AKAP10: variants seen among roughly 807,000 people sequenced by gnomAD.
AKAP10 encodes A-kinase anchoring protein 10.
A neutral mutation model predicts 80.8 loss-of-function variants in AKAP10; 24 were observed. The ratio of observed to expected loss-of-function variants is 0.30; its 90% confidence interval spans 0.22 to 0.42. AKAP10 has a LOEUF of 0.42. Among genes scored for constraint, AKAP10 ranks in the 10% least tolerant of loss-of-function variants. AKAP10 has a pLI of 1.00. For missense variants in AKAP10, 661 were observed against 794.9 expected, an observed-to-expected ratio of 0.83 and a Z score of 2.03; for synonymous variants, 291 against 277.7, an observed-to-expected ratio of 1.05 and a Z score of -0.48.
intron 8 of AKAP10, among the ~76,000 whole-genome samples, chr17:19,938,941 A>G (rs2043023628): frequency 6.6e-6 from 1 of 152,104 alleles, no homozygotes; most frequent in Non-Finnish European, 1.5e-5. Flanking sequence ...CATGTTGCCC[A>G]GGCTGGTCTC....
At chr17:19,946,899 T>G (rs2043139324) in intron 5 of AKAP10, among the ~76,000 whole-genome samples, 1 of 152,156 alleles carries the variant, frequency 6.6e-6, no homozygotes, top group African/African-American at 2.4e-5. Flanking sequence ...TCAGGCCCAC[T>G]GAGAAGTGGG....
intron 5 of AKAP10, among the ~76,000 whole-genome samples, chr17:19,946,657 C>CTTTT (rs35156168): frequency 1.8e-5 from 2 of 111,134 alleles, no homozygotes; most frequent in African/African-American, 3.4e-5. Flanking sequence ...ATAAGAAAAA[C>CTTTT]TTTTTTTTTT....
chr17:19,976,856 A>G (rs2043574825), intron 1 of AKAP10, among the ~76,000 whole-genome samples: 1 of 152,210 alleles, frequency 6.6e-6, no homozygotes, highest in Non-Finnish European at 1.5e-5. Flanking sequence ...AGGAATTGAC[A>G]GGAAAAATCA....
At chr17:19,936,099 T>C in intron 9 of AKAP10, 187 bp downstream of exon 9, 1 of 506,622 alleles carries the variant, frequency 2.0e-6, no homozygotes, top group South Asian at 4.6e-5. Flanking sequence ...CAGTCCACTG[T>C]TGACTAAAAT....
In AKAP10 at chr17:19,931,849, G is replaced by C. The variant is rs2152413004; in HGVS notation, c.1597C>G (p.Pro533Ala). The C allele has an allele frequency of 6.2e-7, 1 of 1,614,154 alleles. No homozygotes were observed. The highest frequency in any genetic ancestry group is 1.6e-4 in the Middle Eastern group (1 of 6,062). Residue 533 changes from proline to alanine, a missense_variant, in exon 10 of 15, where the codon CCT (proline) becomes GCT (alanine). Pro to Ala is a conservative substitution (Grantham distance 27, BLOSUM62 -1). Coordinates refer to ENST00000225737, the MANE Select transcript of AKAP10 (RefSeq NM_007202.4). ...SLTAPGSVGP[P>A]DESHPGSSDS... ...GAACTCCCTGGGTGAGACTCATCAG[G>C]AGGGCCAACAGAGCCAGGAGCAGTC...
intron 12 of AKAP10, among the ~76,000 whole-genome samples, chr17:19,912,601 T>C (rs750007363): frequency 7.9e-5 from 12 of 151,618 alleles, no homozygotes; most frequent in Non-Finnish European, 1.8e-4. Context: ...GCCTGTAATC[T>C]CAGCTACTCG....
chr17:19,907,849 G>A (rs1403939097), intron 14 of AKAP10, among the ~76,000 whole-genome samples: 1 of 151,656 alleles, frequency 6.6e-6, no homozygotes, highest in Non-Finnish European at 1.5e-5. Context: ...TTGGTAATTT[G>A]TGATTGACGT....
intron 2 of AKAP10, among the ~76,000 whole-genome samples, chr17:19,967,418 G>A (rs1042796281): frequency 6.6e-6 from 1 of 152,220 alleles, no homozygotes; most frequent in Non-Finnish European, 1.5e-5. Flanking sequence ...AAGTGTCAGT[G>A]CTTTCCTACA....
At chr17:19,917,932 A>G (rs1212596527) in intron 12 of AKAP10, among the ~76,000 whole-genome samples, 1 of 151,698 alleles carries the variant, frequency 6.6e-6, no homozygotes, top group Non-Finnish European at 1.5e-5. Flanking sequence ...AAGAAAGAAA[A>G]TAAGATGGCT....
At chr17:19,933,081 T>C (rs1381876627) in intron 9 of AKAP10, among the ~76,000 whole-genome samples, 2 of 152,306 alleles carry the variant, frequency 1.3e-5, no homozygotes, top group Non-Finnish European at 2.9e-5. Context: ...TGCAGTGGCA[T>C]GATCTCGACT....
At chr17:19,924,005 T>G (rs999834117) in intron 11 of AKAP10, among the ~76,000 whole-genome samples, 2 of 152,236 alleles carry the variant, frequency 1.3e-5, no homozygotes, top group Admixed American at 1.3e-4. Flanking sequence ...GTGGTAAATT[T>G]CAGTAAGTGG....
In AKAP10 at chr17:19,906,132, A is replaced by T; in HGVS notation, c.*95T>A. ...AACAACAGTGACAGATCAGAAATAT[A>T]GTGCTGTTTTCATTGGCTGTGTTGA... On this transcript the variant is annotated 3_prime_UTR_variant, in exon 15 of 15. Coordinates refer to ENST00000225737, the MANE Select transcript of AKAP10 (RefSeq NM_007202.4). The T allele has an allele frequency of 7.6e-7, 1 of 1,320,266 alleles. No individual in the cohort carries two copies. Among genetic ancestry groups the T allele is most frequent in the Non-Finnish European group, 1.1e-6 (1 of 925,728 alleles). 81.8% of individuals were successfully genotyped at this position (1,320,266 alleles called of 1,614,324 possible).
intron 4 of AKAP10, among the ~76,000 whole-genome samples, chr17:19,953,962 G>A (rs1251578245): frequency 6.6e-6 from 1 of 151,990 alleles, no homozygotes; most frequent in African/African-American, 2.4e-5. Context: ...AACCTGGGAG[G>A]CAGAGGTTGC....
intron 14 of AKAP10, among the ~76,000 whole-genome samples, chr17:19,908,460 C>T (rs1187928640): frequency 1.3e-5 from 2 of 152,076 alleles, no homozygotes; most frequent in African/African-American, 4.8e-5. Flanking sequence ...ATCATTCAGC[C>T]TACTAATTTC....
intron 4 of AKAP10, among the ~76,000 whole-genome samples, chr17:19,951,100 C>T (rs2043200860): frequency 6.7e-6 from 1 of 150,034 alleles, no homozygotes; most frequent in Non-Finnish European, 1.5e-5. Context: ...AAGTGAGGAG[C>T]CCCTCAGCCC....
Position 19,905,404 on chromosome 17 carries a change from C to T in AKAP10, c.*823G>A, listed in dbSNP as rs547557257. 7 of 151,660 alleles carry T rather than the reference C, an allele frequency of 4.6e-5. No individual in the cohort carries two copies. The highest frequency in any genetic ancestry group is 4.6e-4 in the Admixed American group (7 of 15,234). The allele number at this position is 151,660 out of a possible 1,614,324, so 9.4% of individuals were successfully genotyped here. A position where few individuals can be genotyped will look rare whatever the true frequency, so the allele number is the denominator to read the frequency against. ...TGCTTTGTTCAAGGTGCCACAGGGGCAAAAGTGGAGTCATCGCTATTTCTT... is the reference window on the plus strand; with the variant it reads ...TGCTTTGTTCAAGGTGCCACAGGGGTAAAAGTGGAGTCATCGCTATTTCTT... On this transcript the variant is annotated 3_prime_UTR_variant, in exon 15 of 15. Transcript: ENST00000225737.
chr17:19,941,796 T>C (rs773079098), intron 6 of AKAP10, 30 bp downstream of exon 6: 1 of 1,512,786 alleles, frequency 6.6e-7, no homozygotes, highest in South Asian at 1.4e-5. Flanking sequence ...TTCCCTAGGA[T>C]GCACAATGTG....
chr17:19,961,933 T>C (rs1403964771), intron 3 of AKAP10, among the ~76,000 whole-genome samples: 1 of 151,944 alleles, frequency 6.6e-6, no homozygotes, highest in Admixed American at 6.6e-5. Flanking sequence ...TTAGGCAACA[T>C]AGTGAGACCC....
chr17:19,961,560 G>C (rs2043349835), intron 3 of AKAP10, among the ~76,000 whole-genome samples: 1 of 152,166 alleles, frequency 6.6e-6, no homozygotes, highest in South Asian at 2.1e-4. Context: ...AAAGTAGAGA[G>C]AGATGTCAAA....
Sources: gnomAD v4.1 joint callset for allele counts (sites outside exome capture counted in the v4.1 genomes callset) on GRCh38, gnomAD v4.1.1 for gene constraint, MANE v1.5 for transcripts, NCBI Gene and HGNC (gene_info 2026-07-23, HGNC 2026-07-21) for gene names.